LMBR1: variants seen among roughly 807,000 people sequenced by gnomAD.
The protein encoded by LMBR1 is limb region 1 protein homolog.
Under a neutral mutation model 73.9 loss-of-function variants are expected in LMBR1, and 52 were observed. The observed-to-expected ratio is 0.70, with a 90% CI of 0.56 to 0.89. LMBR1 has a LOEUF of 0.89. LMBR1 is among the 40% of genes least tolerant of loss of function. The probability of loss-of-function intolerance (pLI) is 0.00; values close to 1 mark genes in which losing one functional copy is unlikely to be tolerated. For synonymous variants in LMBR1, 215 were observed against 209.4 expected (o/e 1.03, Z -0.23); for missense variants, 539 against 579.8 (o/e 0.93, Z 0.72).
rs1328599227 is a variant in LMBR1 at position 156,680,315 on chromosome 7, T to C, written c.*3763A>G. On this transcript the variant is annotated 3_prime_UTR_variant, in exon 17 of 17. Transcript: ENST00000353442. ...AATAATAAAACAGAAGATGCCAGCATGCACACTTAGGAAAAACAAGTACTG... is the reference window on the plus strand; with the variant it reads ...AATAATAAAACAGAAGATGCCAGCACGCACACTTAGGAAAAACAAGTACTG... 1 of 151,946 alleles carries C rather than the reference T, an allele frequency of 6.6e-6. No individual in the cohort carries two copies. Among genetic ancestry groups the C allele is most frequent in the African/African-American group, 2.4e-5 (1 of 41,326 alleles). The allele number at this position is 151,946 out of a possible 1,614,324, so 9.4% of individuals were successfully genotyped here.
Position 156,884,104 on chromosome 7 carries a change from T to C in LMBR1, c.66+8824A>G, listed in dbSNP as rs1309149206. On this transcript the variant is annotated intron_variant, in intron 1 of 16. Coordinates refer to ENST00000353442, the MANE Select transcript of LMBR1 (RefSeq NM_022458.4). ...TATGTTAGAAAATCACTTCAACTTA[T>C]GTTGGCTATTGGATTTGTTTCTAAT... 3.3e-5 allele frequency among the ~76,000 whole-genome samples: 5 copies of C among 152,216 alleles called. No individual in the cohort carries two copies. In the South Asian group the frequency reaches 6.2e-4, roughly 19 times the overall value.
At chr7:156,836,991 A>G (rs1485515234) in intron 1 of LMBR1, 106 bp from the exon 2 acceptor site, 1 of 727,912 alleles carries the variant, frequency 1.4e-6, no homozygotes. Flanking sequence ...TTAAACTACT[A>G]AAAAGTTAAA....
intron 15 of LMBR1, among the ~76,000 whole-genome samples, chr7:156,698,724 T>A (rs1808916315): frequency 6.6e-6 from 1 of 152,052 alleles, no homozygotes; most frequent in Non-Finnish European, 1.5e-5. Context: ...ATGAAACCAC[T>A]TTTTCCTCCT....
At chr7:156,689,910 G>A (rs1186042380) in intron 15 of LMBR1, among the ~76,000 whole-genome samples, 6 of 152,144 alleles carry the variant, frequency 3.9e-5, no homozygotes, top group African/African-American at 1.4e-4. Flanking sequence ...ACAAGATATA[G>A]TCCTACCAAA....
intron 15 of LMBR1, among the ~76,000 whole-genome samples, chr7:156,711,280 C>T (rs983202124): frequency 1.3e-5 from 2 of 152,126 alleles, no homozygotes; most frequent in Non-Finnish European, 2.9e-5. Flanking sequence ...CACTGCACTC[C>T]AGCCTGGGCG....
chr7:156,844,424 T>C (rs945241106), intron 1 of LMBR1, among the ~76,000 whole-genome samples: 3 of 151,858 alleles, frequency 2.0e-5, no homozygotes, highest in Non-Finnish European at 4.4e-5. Context: ...GTTTCAAAAG[T>C]AGGACGAGGA....
chr7:156,861,013 G>A (rs1797643773), intron 1 of LMBR1, among the ~76,000 whole-genome samples: 1 of 152,224 alleles, frequency 6.6e-6, no homozygotes, highest in South Asian at 2.1e-4. Flanking sequence ...CTGGGGTCTG[G>A]AGGATGGTGG....
chr7:156,725,805 C>A lies in LMBR1; in HGVS notation c.1026G>T (p.Thr342=). 6 of 1,613,532 alleles carry A rather than the reference C, an allele frequency of 3.7e-6. No homozygotes were observed. The highest frequency in any genetic ancestry group is 1.1e-5 in the South Asian group (1 of 91,004). The part of the protein sequence containing the change: ...GPGIGNASLS[T]FGFVGAALEI... The stretch of plus-strand genomic sequence containing the variant: ...CAAGCGCAGCTCCCACAAAACCAAA[C>A]GTAGAAAGAGAGGCATTTCCTATTC... Residue 342 remains threonine, a synonymous_variant, in exon 13 of 17, where the codon ACG becomes ACT. Transcript: ENST00000353442.
In LMBR1 at chr7:156,759,934, C is replaced by T. The variant is rs146900232; in HGVS notation, c.684+2200G>A. Among the ~76,000 whole-genome samples the T allele has an allele frequency of 2.7e-3, 417 of 152,180 alleles. 1 individual carries two copies. The highest frequency in any genetic ancestry group is 4.9e-3 in the Non-Finnish European group (335 of 68,018). On this transcript the variant is annotated intron_variant, in intron 8 of 16. Coordinates refer to ENST00000353442, the MANE Select transcript of LMBR1 (RefSeq NM_022458.4). ...GACTGGCTATTTTAAAGGGAGCAGG[C>T]ATATGAGCCAGAGTGGCAGGGTGAC...
intron 1 of LMBR1, among the ~76,000 whole-genome samples, chr7:156,874,817 C>A (rs1381165940): frequency 6.6e-6 from 1 of 152,222 alleles, no homozygotes; most frequent in Non-Finnish European, 1.5e-5. Context: ...CCTAGACCTT[C>A]CCTCTGACAT....
intron 3 of LMBR1, among the ~76,000 whole-genome samples, chr7:156,832,484 CT>C (rs1305964614): frequency 1.3e-5 from 2 of 152,202 alleles, no homozygotes; most frequent in Non-Finnish European, 2.9e-5. Context: ...CCCTCAGCTC[CT>C]TGCAATCATC....
At chr7:156,688,544 C>T (rs1301704664) in intron 15 of LMBR1, among the ~76,000 whole-genome samples, 1 of 151,950 alleles carries the variant, frequency 6.6e-6, no homozygotes, top group Admixed American at 6.6e-5. Flanking sequence ...CGAGACAGGA[C>T]GGCTGTAACT....
At chr7:156,723,086 G>A (rs1012161027) in intron 15 of LMBR1, among the ~76,000 whole-genome samples, 1 of 152,044 alleles carries the variant, frequency 6.6e-6, no homozygotes, top group Non-Finnish European at 1.5e-5. Context: ...AAACACAAAA[G>A]AAATAAGACT....
intron 5 of LMBR1, among the ~76,000 whole-genome samples, chr7:156,773,034 T>C (rs772799273): frequency 6.6e-6 from 1 of 152,002 alleles, no homozygotes; most frequent in Non-Finnish European, 1.5e-5. Context: ...AAAATCCATG[T>C]ACAAAAATCA....
chr7:156,789,279 CT>C lies in LMBR1; in HGVS notation c.423+7109del, dbSNP rs1262552812. 4.3e-4 allele frequency among the ~76,000 whole-genome samples: 66 copies of C among 152,184 alleles called. 1 individual carries two copies. Among genetic ancestry groups the C allele is most frequent in the African/African-American group, 1.5e-3 (63 of 41,540 alleles). ...TACATATTTTTTAATGTTTCGGTTGCTTTAGAATTCAGTCACTTCAGAACAA... is the reference window on the plus strand; with the variant it reads ...TACATATTTTTTAATGTTTCGGTTGCTTAGAATTCAGTCACTTCAGAACAA... On this transcript the variant is annotated intron_variant, in intron 5 of 16. Transcript: ENST00000353442.
rs564728877 is a variant in LMBR1 at position 156,761,716 on chromosome 7, C to T, written c.684+418G>A. 1.4e-4 allele frequency among the ~76,000 whole-genome samples: 21 copies of T among 152,208 alleles called. No homozygotes were observed. The South Asian group carries it at 3.1e-3, about 23-fold the overall frequency. ...AATAGGCCAAGTGCGGTGGCTCACG[C>T]CTGTAATCCCAGCACTTTGGGAGGC... On this transcript the variant is annotated intron_variant, in intron 8 of 16. Coordinates refer to ENST00000353442, the MANE Select transcript of LMBR1 (RefSeq NM_022458.4).
chr7:156,713,607 C>G (rs909177480), intron 15 of LMBR1, among the ~76,000 whole-genome samples: 1 of 151,820 alleles, frequency 6.6e-6, no homozygotes, highest in African/African-American at 2.4e-5. Context: ...CTGCCTGGAG[C>G]TGATGGTGGA....
downstream of LMBR1, among the ~76,000 whole-genome samples, chr7:156,673,859 T>C (rs1281560050): frequency 6.6e-6 from 1 of 151,392 alleles, no homozygotes; most frequent in African/African-American, 2.4e-5. Context: ...TTCAGAAGTC[T>C]GGTGATTTAA....
chr7:156,877,205 G>A (rs1373325195), intron 1 of LMBR1, among the ~76,000 whole-genome samples: 1 of 151,304 alleles, frequency 6.6e-6, no homozygotes, highest in Non-Finnish European at 1.5e-5. Flanking sequence ...CTTAAATCAG[G>A]AAGAATTAGG....
Sources: gnomAD v4.1 joint callset for allele counts (sites outside exome capture counted in the v4.1 genomes callset) on GRCh38, gnomAD v4.1.1 for gene constraint, MANE v1.5 for transcripts, NCBI Gene and HGNC (gene_info 2026-07-23, HGNC 2026-07-21) for gene names.